Variants in RAPGEF4 observed in about 807,000 individuals in gnomAD.
The protein encoded by RAPGEF4 is Rap guanine nucleotide exchange factor 4.
RAPGEF4 carries 66 observed loss-of-function variants against 147.9 expected under a neutral mutation model. The ratio of observed to expected loss-of-function variants is 0.45; its 90% CI spans 0.37 to 0.55. The LOEUF (loss-of-function observed/expected upper bound fraction) is 0.55. RAPGEF4 is among the 20% of genes least tolerant of loss of function. The probability of loss-of-function intolerance (pLI) is 0.00; values close to 1 mark genes in which losing one functional copy is unlikely to be tolerated. For synonymous variants in RAPGEF4, 419 were observed against 442.7 expected (o/e 0.95, Z 0.67); for missense variants, 1,071 against 1,257.3 (o/e 0.85, Z 2.24).
At position 172,795,138 on chromosome 2, in the gene RAPGEF4, A is replaced by G. The variant is rs781496808; in HGVS notation, c.179A>G (p.Tyr60Cys). The change falls in exon 2 of 31, where the codon TAT (tyrosine) becomes TGT (cysteine). Residue 60 changes from tyrosine to cysteine, a missense_variant. By Grantham distance (194) the Tyr-to-Cys change is radical (BLOSUM62 -2). Transcript: ENST00000397081. ...CTTCATCAGATTTGCTTATGTGGTT[A>G]TTATGAGAATCTGGAAAAGGGAATA... ...NLLHQICLCGYYENLEKGITL... is the reference protein window; with the variant it reads ...NLLHQICLCGCYENLEKGITL... The G allele has an allele frequency of 1.2e-6, 2 of 1,611,232 alleles. No individual in the cohort carries two copies. The highest frequency in any genetic ancestry group is 1.7e-6 in the Non-Finnish European group (2 of 1,177,494).
chr2:172,899,527 G>T (rs192034702), intron 4 of RAPGEF4, among the ~76,000 whole-genome samples: 4 of 152,302 alleles, frequency 2.6e-5, no homozygotes, highest in Non-Finnish European at 5.9e-5. Flanking sequence ...AAGCCAGAAT[G>T]TGCTTCCCAG....
intron 4 of RAPGEF4, among the ~76,000 whole-genome samples, chr2:172,888,142 T>C (rs1261893414): frequency 1.3e-5 from 2 of 152,268 alleles, no homozygotes; most frequent in African/African-American, 2.4e-5. Flanking sequence ...TGAATATTAT[T>C]AACCAGTGCA....
At chr2:172,790,763 A>G (rs1338852349) in intron 1 of RAPGEF4, among the ~76,000 whole-genome samples, 1 of 152,188 alleles carries the variant, frequency 6.6e-6, no homozygotes, top group Admixed American at 6.5e-5. Flanking sequence ...TGTGCTTCAT[A>G]TGCCCTTTAT....
At chr2:172,970,182 C>CTTTTTTTTTTTT (rs71018527) in intron 10 of RAPGEF4, among the ~76,000 whole-genome samples, 1 of 140,062 alleles carries the variant, frequency 7.1e-6, no homozygotes, top group Non-Finnish European at 1.5e-5. Context: ...CACACACACC[C>CTTTTTTTTTTTT]TTTTTTTTTT....
chr2:172,803,561 C>T (rs926157483), intron 3 of RAPGEF4, among the ~76,000 whole-genome samples: 5 of 150,358 alleles, frequency 3.3e-5, no homozygotes, highest in Non-Finnish European at 7.4e-5. Context: ...GGAGGGGCCA[C>T]CATGAAGATC....
At chr2:172,985,594 G>A in intron 12 of RAPGEF4, 101 bp downstream of exon 12, 1 of 1,542,298 alleles carries the variant, frequency 6.5e-7, no homozygotes, top group South Asian at 1.3e-5. Context: ...TTGGCCCCGG[G>A]TCTGGCTTGG....
At chr2:172,993,347 G>A (rs1352677646) in intron 15 of RAPGEF4, among the ~76,000 whole-genome samples, 1 of 152,190 alleles carries the variant, frequency 6.6e-6, no homozygotes, top group East Asian at 1.9e-4. Flanking sequence ...TTTCGTTACT[G>A]TGTTGCTTTT....
chr2:172,919,711 T>C (rs192293199), intron 5 of RAPGEF4, among the ~76,000 whole-genome samples: 2 of 152,290 alleles, frequency 1.3e-5, no homozygotes, highest in African/African-American at 4.8e-5. Flanking sequence ...GTTCTTTTTC[T>C]ACCTGGTTGT....
intron 8 of RAPGEF4, among the ~76,000 whole-genome samples, chr2:172,964,319 A>G (rs1689606999): frequency 1.3e-5 from 2 of 151,866 alleles, no homozygotes; most frequent in South Asian, 4.1e-4. Flanking sequence ...GAATCCCACA[A>G]TTCCTCTGAT....
chr2:172,998,303 T>A (rs1693566888), intron 16 of RAPGEF4, among the ~76,000 whole-genome samples: 1 of 152,226 alleles, frequency 6.6e-6, no homozygotes, highest in Non-Finnish European at 1.5e-5. Context: ...ATATTAGCAC[T>A]GACCTAGAAA....
intron 4 of RAPGEF4, among the ~76,000 whole-genome samples, chr2:172,867,130 C>G (rs1694741943): frequency 6.6e-6 from 1 of 151,974 alleles, no homozygotes; most frequent in Non-Finnish European, 1.5e-5. Flanking sequence ...CACCACCACA[C>G]ACAGCTAATT....
chr2:172,987,849 C>T (rs957482281), intron 12 of RAPGEF4, among the ~76,000 whole-genome samples: 2 of 152,144 alleles, frequency 1.3e-5, no homozygotes, highest in Non-Finnish European at 2.9e-5. Context: ...TTTTAAACGT[C>T]ACATTACTTG....
At chr2:172,877,497 A>G (rs1696101760) in intron 4 of RAPGEF4, among the ~76,000 whole-genome samples, 1 of 151,616 alleles carries the variant, frequency 6.6e-6, no homozygotes, top group African/African-American at 2.4e-5. Context: ...CAAACCGTAA[A>G]TTTTGCACAT....
chr2:172,896,925 C>A (rs1291860935), intron 4 of RAPGEF4, among the ~76,000 whole-genome samples: 3 of 152,118 alleles, frequency 2.0e-5, no homozygotes, highest in Non-Finnish European at 4.4e-5. Context: ...TCGACACATG[C>A]CAGTTCTCTT....
At chr2:172,828,683 T>C (rs778103397) in intron 4 of RAPGEF4, among the ~76,000 whole-genome samples, 2 of 152,158 alleles carry the variant, frequency 1.3e-5, no homozygotes, top group Non-Finnish European at 1.5e-5. Flanking sequence ...TGCCTGGGTC[T>C]TCCTGGTCTC....
intron 10 of RAPGEF4, among the ~76,000 whole-genome samples, chr2:172,972,812 T>C (rs1690635596): frequency 1.3e-5 from 2 of 152,290 alleles, no homozygotes; most frequent in African/African-American, 4.8e-5. Flanking sequence ...ATTGCTAAAG[T>C]CGATCTCTTT....
intron 5 of RAPGEF4, among the ~76,000 whole-genome samples, chr2:172,918,821 T>C (rs1684391432): frequency 6.6e-6 from 1 of 152,182 alleles, no homozygotes; most frequent in African/African-American, 2.4e-5. Context: ...AGGTAGTCCC[T>C]GCATCTTCAG....
intron 6 of RAPGEF4, among the ~76,000 whole-genome samples, chr2:172,950,086 G>A (rs1250726519): frequency 6.6e-6 from 1 of 152,212 alleles, no homozygotes; most frequent in Non-Finnish European, 1.5e-5. Context: ...CAGGTTAGTA[G>A]ACATTTCTTC....
At chr2:172,956,988 A>G (rs1688808752) in intron 6 of RAPGEF4, among the ~76,000 whole-genome samples, 1 of 152,208 alleles carries the variant, frequency 6.6e-6, no homozygotes, top group South Asian at 2.1e-4. Context: ...CTCTAGAAGA[A>G]AACTGCAGGT....
Sources: allele counts gnomAD v4.1 joint callset (sites outside exome capture counted in the v4.1 genomes callset), GRCh38; gene constraint gnomAD v4.1.1; transcripts MANE v1.5; gene names NCBI Gene and HGNC (gene_info 2026-07-23, HGNC 2026-07-21).